SNIP1: variants seen among roughly 807,000 people sequenced by gnomAD.
SNIP1 encodes the protein smad nuclear-interacting protein 1.
SNIP1 carries 23 observed loss-of-function variants against 37.4 expected under a neutral mutation model. The ratio of observed to expected loss-of-function variants is 0.61; its 90% CI spans 0.44 to 0.87. SNIP1 has a LOEUF of 0.87. Among genes scored for constraint, SNIP1 ranks in the 40% least tolerant of loss-of-function variants. SNIP1 has a pLI of 0.00. For missense variants in SNIP1, 459 were observed against 540.4 expected (o/e 0.85, Z 1.49); for synonymous variants, 174 against 200.0 (o/e 0.87, Z 1.10).
intron 2 of SNIP1, chr1:37,544,953 A>G (rs868445840): frequency 1.8e-5 from 15 of 825,114 alleles, no homozygotes; most frequent in Middle Eastern, 6.7e-4. Flanking sequence ...CATGCCAAGA[A>G]ACTGATGAAG....
chr1:37,537,576 C>G lies in SNIP1; in HGVS notation c.*172G>C. 1.5e-6 allele frequency: 1 copy of G among 680,576 alleles called. No individual in the cohort carries two copies. The allele number at this position is 680,576 out of a possible 1,614,324, so 42.2% of individuals were successfully genotyped here. ...CAGAAAAAGTTTAACAAACATTAGT[C>G]AGTGTATTCAAATGGTAACACAATC... On this transcript the variant is annotated 3_prime_UTR_variant, in exon 4 of 4. Coordinates refer to ENST00000296215, the MANE Select transcript of SNIP1 (RefSeq NM_024700.4).
intron 2 of SNIP1, among the ~76,000 whole-genome samples, chr1:37,550,472 T>G (rs769232927): frequency 2.6e-5 from 4 of 151,172 alleles, no homozygotes; most frequent in Non-Finnish European, 5.9e-5. Flanking sequence ...TTTGGGAGGC[T>G]GAGGCAGGTG....
chr1:37,541,769 CG>C (rs1440416965), intron 2 of SNIP1, among the ~76,000 whole-genome samples: 2 of 152,118 alleles, frequency 1.3e-5, no homozygotes, highest in African/African-American at 4.8e-5. Flanking sequence ...GCTGAAACCA[CG>C]GATAGTACCG....
intron 2 of SNIP1, among the ~76,000 whole-genome samples, chr1:37,542,006 G>GT (rs71053978): frequency 0.054 from 8,143 of 151,760 alleles, 278 homozygotes; most frequent in South Asian, 0.14. Flanking sequence ...GATTTGAAAA[G>GT]TTTTTTTTTG....
At position 37,540,202 on chromosome 1, in the gene SNIP1, A is replaced by G. The variant is rs775567238; in HGVS notation, c.881T>C (p.Ile294Thr). ...GRHRRIADIP[I>T]DHPSCSKQHA... Reference sequence around the variant, plus strand: ...CTGCTTTGAACAAGACGGGTGATCAATTGGAATGTCTGCAATGCGGCGGTG... The same window carrying G: ...CTGCTTTGAACAAGACGGGTGATCAGTTGGAATGTCTGCAATGCGGCGGTG... The change falls in exon 3 of 4, where the codon ATT becomes ACT. Residue 294 changes from isoleucine (I) to threonine (T), a missense_variant. Transcript: ENST00000296215. This position sits in a 1 kb window ranked among gnomAD's most constrained non-coding sequence, Gnocchi z 5.6. 3.1e-6 allele frequency: 5 copies of G among 1,606,454 alleles called. No homozygotes were observed. Among genetic ancestry groups the G allele is most frequent in the African/African-American group, 1.3e-5 (1 of 74,770 alleles).
chr1:37,543,005 A>G (rs1488659478), intron 2 of SNIP1, among the ~76,000 whole-genome samples: 1 of 151,550 alleles, frequency 6.6e-6, no homozygotes, highest in Non-Finnish European at 1.5e-5. Context: ...GGCTGAAGTG[A>G]GCTATGATCA....
chr1:37,537,205 A>C lies in SNIP1; in HGVS notation c.*543T>G, dbSNP rs1643109275. On this transcript the variant is annotated 3_prime_UTR_variant, in exon 4 of 4. Coordinates refer to ENST00000296215, the MANE Select transcript of SNIP1 (RefSeq NM_024700.4). ...GCAGTACATTCCCACCCCCCAAAAAAATAAGTGCAAAATCAACTTCTAAGC... is the reference window on the plus strand; with the variant it reads ...GCAGTACATTCCCACCCCCCAAAAACATAAGTGCAAAATCAACTTCTAAGC... 6.5e-6 allele frequency: 1 copy of C among 153,256 alleles called. No individual in the cohort carries two copies. Among genetic ancestry groups the C allele is most frequent in the Non-Finnish European group, 1.5e-5 (1 of 68,544 alleles). The allele number at this position is 153,256 out of a possible 1,614,324, so 9.5% of individuals were successfully genotyped here. A position where few individuals can be genotyped will look rare whatever the true frequency, so the allele number is the denominator to read the frequency against.
Position 37,537,796 on chromosome 1 carries a change from CCTGT to C in SNIP1, c.1139_1142del (p.Asp380GlyfsTer52), listed in dbSNP as rs780076866. The C allele has an allele frequency of 1.2e-5, 19 of 1,614,238 alleles. No individual in the cohort carries two copies. Among genetic ancestry groups the C allele is most frequent in the East Asian group, 2.2e-5 (1 of 44,890 alleles). The stretch of plus-strand genomic sequence containing the variant: ...CCTCCTCCTCATCCTCGTCATCTTT[CCTGT>C]CTATTTCAGAAGTGTCCGACGACTC... On this transcript the variant is annotated frameshift_variant, in exon 4 of 4. Transcript: ENST00000296215. LOFTEE classifies it high-confidence loss of function.
At position 37,540,861 on chromosome 1, in the gene SNIP1, G is replaced by T; in HGVS notation, c.328-106C>A. On this transcript the variant is annotated intron_variant, in intron 2 of 3. Transcript: ENST00000296215. The surrounding 1 kb of genome is among the most constrained non-coding windows in gnomAD (Gnocchi z 5.6). ...TGCATGCAAAAAGTCTTGTAATTTG[G>T]ACTTTGGCATTTAGAACAACATTTC... is the stretch of plus-strand genomic sequence containing the variant. The T allele has an allele frequency of 9.0e-7, 1 of 1,116,892 alleles. No individual in the cohort carries two copies. The highest frequency in any genetic ancestry group is 1.3e-6 in the Non-Finnish European group (1 of 792,500). The allele number at this position is 1,116,892 out of a possible 1,614,324, so 69.2% of individuals were successfully genotyped here.
At chr1:37,544,686 C>A (rs1413990586) in intron 2 of SNIP1, 7 of 569,188 alleles carry the variant, frequency 1.2e-5, no homozygotes, top group Non-Finnish European at 2.3e-5. Flanking sequence ...TTCACTGGGC[C>A]CTCTGACTGT....
intron 2 of SNIP1, among the ~76,000 whole-genome samples, chr1:37,551,155 C>A (rs1643297622): frequency 6.9e-6 from 1 of 144,840 alleles, no homozygotes; most frequent in African/African-American, 2.6e-5. Flanking sequence ...TAGGAAAATG[C>A]AAATTACGGG....
chr1:37,550,990 G>A (rs1643293418), intron 2 of SNIP1, among the ~76,000 whole-genome samples: 2 of 151,058 alleles, frequency 1.3e-5, no homozygotes, highest in Admixed American at 1.3e-4. Flanking sequence ...AGCTACTCAG[G>A]AGGCTGAGGC....
chr1:37,551,387 C>CG (rs1412727023), intron 2 of SNIP1, among the ~76,000 whole-genome samples: 2 of 152,050 alleles, frequency 1.3e-5, no homozygotes, highest in African/African-American at 4.8e-5. Flanking sequence ...ACAGGGAAAC[C>CG]GGATCATTCA....
At chr1:37,553,867 T>C (rs1400784853) in intron 1 of SNIP1, 139 bp downstream of exon 1, 14 of 835,590 alleles carry the variant, frequency 1.7e-5, no homozygotes, top group Admixed American at 7.6e-5. Flanking sequence ...CAAGCACGAC[T>C]GGATCACTCT....
At chr1:37,544,122 C>T (rs965421356) in intron 2 of SNIP1, among the ~76,000 whole-genome samples, 4 of 144,558 alleles carry the variant, frequency 2.8e-5, no homozygotes, top group African/African-American at 5.2e-5. Flanking sequence ...GTAGCCTGAA[C>T]GACAAAGAGA....
At chr1:37,542,970 T>C (rs1163240491) in intron 2 of SNIP1, among the ~76,000 whole-genome samples, 1 of 150,884 alleles carries the variant, frequency 6.6e-6, no homozygotes, top group Non-Finnish European at 1.5e-5. Flanking sequence ...TGAGGTGGGA[T>C]GATCACTTGA....
rs111594144 is a variant in SNIP1 at position 37,537,717 on chromosome 1, C to T, written c.*31G>A. 1.3e-3 allele frequency: 2,045 copies of T among 1,595,286 alleles called. 15 individuals are homozygous for T. The African/African-American group carries it at 0.024, about 19-fold the overall frequency. On this transcript the variant is annotated 3_prime_UTR_variant, in exon 4 of 4. Transcript: ENST00000296215. ...CAATCAAAGACTTCCAAGAAGGAAA[C>T]CGTGTATCAATAGTTTGGGTTCTTA...
chr1:37,548,869 T>C (rs1364670327), intron 2 of SNIP1: 1 of 152,620 alleles, frequency 6.6e-6, no homozygotes, highest in Non-Finnish European at 1.5e-5. Flanking sequence ...TGCTCCTCCT[T>C]GCTTCCCACC....
At chr1:37,553,131 C>T (rs1643323114) in intron 1 of SNIP1, among the ~76,000 whole-genome samples, 1 of 152,222 alleles carries the variant, frequency 6.6e-6, no homozygotes, top group African/African-American at 2.4e-5. Context: ...TCTACTTCCT[C>T]CCTGTGCCAT....
Sources: gnomAD v4.1 joint callset for allele counts (sites outside exome capture counted in the v4.1 genomes callset) on GRCh38, gnomAD v4.1.1 for gene constraint, Gnocchi (gnomAD v3.1) non-coding constraint, MANE v1.5 for transcripts, NCBI Gene and HGNC (gene_info 2026-07-23, HGNC 2026-07-21) for gene names.